RARB: variants seen among roughly 807,000 people sequenced by gnomAD.
RARB encodes HBV-activated protein.
In RARB, 17 loss-of-function variants were observed where a neutral mutation model predicts 51.9. The observed-to-expected ratio is 0.33, with a 90% CI of 0.22 to 0.49. The LOEUF (loss-of-function observed/expected upper bound fraction) is 0.49, where lower values mean the gene tolerates loss of function less well. Ranked by LOEUF, RARB falls within the 20% of genes least tolerant of loss-of-function variation. The pLI is 0.99. For missense variants in RARB, 369 were observed against 550.8 expected (o/e 0.67, Z 3.30); for synonymous variants, 215 against 195.4 (o/e 1.10, Z -0.84).
intron 1 of RARB, among the ~76,000 whole-genome samples, chr3:24,835,535 G>T (rs1702333684): frequency 6.6e-6 from 1 of 152,084 alleles, no homozygotes; most frequent in Admixed American, 6.6e-5. Flanking sequence ...ACATGTTATT[G>T]CATTTATTAC....
intron 2 of RARB, among the ~76,000 whole-genome samples, chr3:25,465,336 A>G (rs1023605112): frequency 3.3e-5 from 5 of 152,196 alleles, no homozygotes; most frequent in Non-Finnish European, 7.3e-5. Flanking sequence ...CAGATGCACC[A>G]TAGGCCCCTT....
chr3:25,096,842 A>C (rs1028581274), intron 3 of RARB, among the ~76,000 whole-genome samples: 2 of 152,198 alleles, frequency 1.3e-5, no homozygotes, highest in East Asian at 3.9e-4. Context: ...TGCCACAATA[A>C]GAAAGTGGCT....
chr3:24,929,398 G>T (rs935675878), intron 2 of RARB, among the ~76,000 whole-genome samples: 1 of 152,060 alleles, frequency 6.6e-6, no homozygotes, highest in Admixed American at 6.6e-5. Context: ...AAAAGTGACC[G>T]ATGATATTCA....
intron 2 of RARB, among the ~76,000 whole-genome samples, chr3:24,878,451 T>C (rs1266589575): frequency 6.6e-6 from 1 of 152,050 alleles, no homozygotes; most frequent in Non-Finnish European, 1.5e-5. Flanking sequence ...CTGCTTATGA[T>C]TTGGAGTGGG....
At chr3:25,171,248 C>A (rs1700639404) in intron 4 of RARB, among the ~76,000 whole-genome samples, 1 of 151,788 alleles carries the variant, frequency 6.6e-6, no homozygotes, top group African/African-American at 2.4e-5. Flanking sequence ...GGAAAGAACC[C>A]CAGATGAGCA....
At chr3:24,830,738 C>T (rs1702269051) in intron 1 of RARB, among the ~76,000 whole-genome samples, 1 of 151,434 alleles carries the variant, frequency 6.6e-6, no homozygotes, top group Non-Finnish European at 1.5e-5. Flanking sequence ...ATGGAGGGAC[C>T]ACTGAGAGAA....
At chr3:25,340,041 G>T (rs1477317941) in intron 5 of RARB, among the ~76,000 whole-genome samples, 1 of 152,144 alleles carries the variant, frequency 6.6e-6, no homozygotes, top group Non-Finnish European at 1.5e-5. Context: ...AAAGAAGACT[G>T]CAGCCTACTA....
At chr3:25,286,090 T>G (rs1703645226) in intron 5 of RARB, among the ~76,000 whole-genome samples, 1 of 129,708 alleles carries the variant, frequency 7.7e-6, no homozygotes, top group Non-Finnish European at 1.6e-5. Flanking sequence ...TCTCTTTTTT[T>G]TTTTTTTTTT....
In RARB at chr3:24,879,407, C is replaced by A. The variant is rs112606944; in HGVS notation, c.-380+20655C>A. 3.4e-5 allele frequency among the ~76,000 whole-genome samples: 5 copies of A among 148,000 alleles called. 1 individual carries two copies. The highest frequency in any genetic ancestry group is 1.5e-5 in the Non-Finnish European group (1 of 67,556). On this transcript the variant is annotated intron_variant, in intron 2 of 11. Transcript: ENST00000383772. ...TCGCATCACTGCATTCCAGCCTGGG[C>A]GACAGAGCAAGACTCTGTCTCAAAA... is the stretch of plus-strand genomic sequence containing the variant.
At chr3:25,576,648 CAGGCTGCT>C (rs1429694653) in intron 4 of RARB, among the ~76,000 whole-genome samples, 1 of 152,178 alleles carries the variant, frequency 6.6e-6, no homozygotes, top group African/African-American at 2.4e-5. Flanking sequence ...GCTTTTTAGC[CAGGCTGCT>C]AGGAAATACT....
At chr3:25,077,675 T>A (rs1210317276) in intron 3 of RARB, among the ~76,000 whole-genome samples, 1 of 152,184 alleles carries the variant, frequency 6.6e-6, no homozygotes, top group Admixed American at 6.5e-5. Flanking sequence ...ATACATACTT[T>A]CATTTCTCTT....
chr3:25,038,657 A>G (rs938798384), intron 2 of RARB, among the ~76,000 whole-genome samples: 6 of 152,154 alleles, frequency 3.9e-5, no homozygotes, highest in African/African-American at 1.2e-4. Context: ...TTTCATTATT[A>G]GCTTCCCAGG....
At chr3:24,869,287 T>C (rs1194706039) in intron 2 of RARB, among the ~76,000 whole-genome samples, 6 of 152,170 alleles carry the variant, frequency 3.9e-5, no homozygotes, top group Non-Finnish European at 8.8e-5. Context: ...TATTTGTGTA[T>C]AATATTTTGA....
At chr3:25,504,650 G>T (rs904439427) in intron 3 of RARB, among the ~76,000 whole-genome samples, 1 of 151,918 alleles carries the variant, frequency 6.6e-6, no homozygotes, top group Non-Finnish European at 1.5e-5. Context: ...TGTTCCCAAG[G>T]CACTCTTCTT....
intron 5 of RARB, among the ~76,000 whole-genome samples, chr3:25,331,248 A>G (rs1283481623): frequency 1.3e-5 from 2 of 152,234 alleles, no homozygotes; most frequent in African/African-American, 2.4e-5. Flanking sequence ...CATCGCACTT[A>G]TTCCAAAATT....
intron 5 of RARB, among the ~76,000 whole-genome samples, chr3:25,245,917 C>T (rs1039143195): frequency 1.3e-5 from 2 of 152,102 alleles, no homozygotes; most frequent in African/African-American, 2.4e-5. Flanking sequence ...GTGTGTTTTC[C>T]AACTTAATTC....
intron 5 of RARB, among the ~76,000 whole-genome samples, chr3:25,204,840 G>A (rs1205733491): frequency 6.6e-6 from 1 of 152,190 alleles, no homozygotes; most frequent in African/African-American, 2.4e-5. Flanking sequence ...CCCCTACTTG[G>A]GGGTGCCTGC....
chr3:24,846,951 G>C (rs1702492548), intron 1 of RARB, among the ~76,000 whole-genome samples: 1 of 152,082 alleles, frequency 6.6e-6, no homozygotes. Flanking sequence ...TGATACACAG[G>C]ATGCAGATTC....
intron 1 of RARB, among the ~76,000 whole-genome samples, chr3:25,429,662 A>G (rs1056320073): frequency 3.9e-5 from 6 of 152,168 alleles, no homozygotes; most frequent in Non-Finnish European, 7.3e-5. Context: ...GGGTAGCCCA[A>G]TTTAAAAAAA....
Sources: allele counts gnomAD v4.1 joint callset (sites outside exome capture counted in the v4.1 genomes callset), GRCh38; gene constraint gnomAD v4.1.1; transcripts MANE v1.5; gene names NCBI Gene and HGNC (gene_info 2026-07-23, HGNC 2026-07-21).